Variants in SLC24A2 observed in about 807,000 individuals in gnomAD.
SLC24A2 encodes solute carrier family 24 member 2, also known as sodium/potassium/calcium exchanger 2.
In SLC24A2, 36 loss-of-function variants were observed where a neutral mutation model predicts 62.0. That is an observed-to-expected ratio of 0.58 (90% CI 0.44 to 0.77). The LOEUF is 0.77. Among genes scored for constraint, SLC24A2 ranks in the 30% least tolerant of loss-of-function variants. SLC24A2 has a pLI of 0.00. For missense variants in SLC24A2, 846 were observed against 817.9 expected (o/e 1.03, Z -0.42); for synonymous variants, 358 against 294.0 (o/e 1.22, Z -2.23).
the SLC24A2 span, among the ~76,000 whole-genome samples, chr9:19,890,287 AG>A: frequency 1.3e-5 from 2 of 152,242 alleles, no homozygotes; most frequent in East Asian, 3.8e-4. Context: ...ATTAGAAACA[AG>A]TCAATAGATG....
chr9:20,283,264 G>A, the SLC24A2 span, among the ~76,000 whole-genome samples: 2 of 152,188 alleles, frequency 1.3e-5, no homozygotes, highest in Admixed American at 6.5e-5. Flanking sequence ...CTCAACAAAT[G>A]CTCTCTGGAT....
chr9:20,007,877 C>CTTT, the SLC24A2 span, among the ~76,000 whole-genome samples: 2 of 79,506 alleles, frequency 2.5e-5, no homozygotes, highest in Admixed American at 1.4e-4. Flanking sequence ...TCTTACTCCT[C>CTTT]TCTTTTTTTT....
chr9:19,976,822 G>C, the SLC24A2 span, among the ~76,000 whole-genome samples: 1 of 152,166 alleles, frequency 6.6e-6, no homozygotes, highest in Non-Finnish European at 1.5e-5. Context: ...ATTGGTTCCA[G>C]TATTCTGCTA....
chr9:19,530,155 A>G (rs1487959115), intron 8 of SLC24A2, among the ~76,000 whole-genome samples: 1 of 148,064 alleles, frequency 6.8e-6, no homozygotes, highest in African/African-American at 2.5e-5. Context: ...GTGCTAAGAG[A>G]TGAAGTTTTC....
the SLC24A2 span, among the ~76,000 whole-genome samples, chr9:20,133,575 T>G: frequency 1.3e-5 from 2 of 152,154 alleles, no homozygotes; most frequent in African/African-American, 4.8e-5. Context: ...TCTCGATATT[T>G]CAAATGTCTA....
rs749070495 is a variant in SLC24A2, at chr9:19,573,331, G to A, written c.1347+20C>T. Reference sequence around the variant, plus strand: ...CAGTTAAGAACAACAGCCCAGAAGAGCAATGGAGAAAAGCCATACCTGGGC... The same window carrying A: ...CAGTTAAGAACAACAGCCCAGAAGAACAATGGAGAAAAGCCATACCTGGGC... On this transcript the variant is annotated intron_variant, in intron 7 of 10. Transcript: ENST00000341998. The A allele has an allele frequency of 6.8e-7, 1 of 1,468,730 alleles. No individual in the cohort carries two copies. The highest frequency in any genetic ancestry group is 2.3e-5 in the East Asian group (1 of 44,156). The allele number at this position is 1,468,730 out of a possible 1,614,324, so 91.0% of individuals were successfully genotyped here.
the SLC24A2 span, among the ~76,000 whole-genome samples, chr9:19,945,280 C>G: frequency 6.6e-6 from 1 of 151,992 alleles, no homozygotes; most frequent in East Asian, 1.9e-4. Flanking sequence ...GGAATATACA[C>G]TCCCTCCTTA....
intron 2 of SLC24A2, among the ~76,000 whole-genome samples, chr9:19,661,692 CTT>C: frequency 6.6e-6 from 1 of 152,222 alleles, no homozygotes; most frequent in South Asian, 2.1e-4. Flanking sequence ...TTTTTCAAAA[CTT>C]TAATCATGGT....
intron 2 of SLC24A2, among the ~76,000 whole-genome samples, chr9:19,705,017 T>G (rs1400481404): frequency 6.6e-6 from 1 of 152,174 alleles, no homozygotes; most frequent in Non-Finnish European, 1.5e-5. Context: ...ATTCTTTGCC[T>G]GCCTTCTCCC....
chr9:19,593,531 G>T (rs150257268), intron 5 of SLC24A2, among the ~76,000 whole-genome samples: 1 of 152,164 alleles, frequency 6.6e-6, no homozygotes, highest in African/African-American at 2.4e-5. Flanking sequence ...GCGTGTGAGA[G>T]TAAGTATATT....
Position 19,511,817 on chromosome 9 carries a change from A to G in SLC24A2, c.*4336T>C, listed in dbSNP as rs1327326588. ...TATAATAGGGCCACCTACTTACCAGAAAAACAATCTGTCCAGGTGCAAGGA... is the reference window on the plus strand; with the variant it reads ...TATAATAGGGCCACCTACTTACCAGGAAAACAATCTGTCCAGGTGCAAGGA... On this transcript the variant is annotated 3_prime_UTR_variant, in exon 11 of 11. Coordinates refer to ENST00000341998, the MANE Select transcript of SLC24A2 (RefSeq NM_020344.4). The G allele has an allele frequency of 1.3e-5, 2 of 152,186 alleles. No individual in the cohort carries two copies. The highest frequency in any genetic ancestry group is 2.9e-5 in the Non-Finnish European group (2 of 68,044). 9.4% of individuals were successfully genotyped at this position (152,186 alleles called of 1,614,324 possible).
At chr9:19,902,800 G>T in the SLC24A2 span, among the ~76,000 whole-genome samples, 1 of 152,200 alleles carries the variant, frequency 6.6e-6, no homozygotes, top group African/African-American at 2.4e-5. Flanking sequence ...TAGAAAGGAA[G>T]AAATTGGTTA....
chr9:20,161,561 T>C, the SLC24A2 span, among the ~76,000 whole-genome samples: 1 of 151,396 alleles, frequency 6.6e-6, no homozygotes, highest in Non-Finnish European at 1.5e-5. Flanking sequence ...GATGAAAGGA[T>C]GGTTCAATAT....
chr9:20,275,633 A>T, the SLC24A2 span, among the ~76,000 whole-genome samples: 1 of 152,316 alleles, frequency 6.6e-6, no homozygotes, highest in East Asian at 1.9e-4. Context: ...TACTCCAATG[A>T]TATGTTGATT....
At chr9:19,934,385 G>A in the SLC24A2 span, among the ~76,000 whole-genome samples, 3 of 152,142 alleles carry the variant, frequency 2.0e-5, no homozygotes, top group African/African-American at 7.2e-5. This position sits in a 1 kb window ranked among gnomAD's most constrained non-coding sequence, Gnocchi z 4.1. Flanking sequence ...TCCATGGGCC[G>A]AGACACATGC....
the SLC24A2 span, among the ~76,000 whole-genome samples, chr9:19,866,069 A>T: frequency 2.0e-5 from 3 of 152,232 alleles, no homozygotes; most frequent in Admixed American, 6.5e-5. Flanking sequence ...AAAAGAATAC[A>T]TACATATGGC....
intron 2 of SLC24A2, among the ~76,000 whole-genome samples, chr9:19,626,992 C>T (rs1172238787): frequency 6.6e-6 from 1 of 152,078 alleles, no homozygotes; most frequent in Non-Finnish European, 1.5e-5. Flanking sequence ...TTAACATAGT[C>T]CCTAAAACAT....
At chr9:20,189,483 T>C in the SLC24A2 span, among the ~76,000 whole-genome samples, 1 of 152,170 alleles carries the variant, frequency 6.6e-6, no homozygotes, top group Non-Finnish European at 1.5e-5. Context: ...TTTGTTATTG[T>C]TGGTTTATGG....
chr9:20,259,764 T>G, the SLC24A2 span, among the ~76,000 whole-genome samples: 1 of 152,174 alleles, frequency 6.6e-6, no homozygotes, highest in Non-Finnish European at 1.5e-5. Context: ...AAACTTGCGT[T>G]AAAATTTAAT....
Sources: gnomAD v4.1 joint callset for allele counts (sites outside exome capture counted in the v4.1 genomes callset) on GRCh38, gnomAD v4.1.1 for gene constraint, Gnocchi (gnomAD v3.1) non-coding constraint, MANE v1.5 for transcripts, NCBI Gene and HGNC (gene_info 2026-07-23, HGNC 2026-07-21) for gene names.